The following AMN1 variants were observed in gnomAD, a reference collection of about 807,000 sequenced individuals.
AMN1 encodes protein AMN1 homolog.
In AMN1, 20 loss-of-function variants were observed where a neutral mutation model predicts 33.0. The observed-to-expected ratio is 0.61, with a 90% CI of 0.43 to 0.88. The LOEUF (loss-of-function observed/expected upper bound fraction) is 0.88, where lower values mean the gene tolerates loss of function less well. Ranked by LOEUF, AMN1 falls within the 40% of genes least tolerant of loss-of-function variation. AMN1 has a pLI of 0.00. For missense variants in AMN1, 246 were observed against 307.4 expected (o/e 0.80, Z 1.49); for synonymous variants, 114 against 111.9 (o/e 1.02, Z -0.12).
intron 6 of AMN1, among the ~76,000 whole-genome samples, chr12:31,677,587 T>C (rs1346741706): frequency 2.0e-5 from 3 of 152,192 alleles, no homozygotes; most frequent in Non-Finnish European, 4.4e-5. Flanking sequence ...GGGAGTTGTA[T>C]AGATGACCTT....
chr12:31,679,120 C>A (rs961780893), intron 6 of AMN1, among the ~76,000 whole-genome samples: 1 of 151,706 alleles, frequency 6.6e-6, no homozygotes, highest in Non-Finnish European at 1.5e-5. Context: ...ACAGTCTGAC[C>A]AACATGGCGA....
At chr12:31,713,959 A>C (rs1350320811) in intron 1 of AMN1, among the ~76,000 whole-genome samples, 1 of 152,176 alleles carries the variant, frequency 6.6e-6, no homozygotes, top group African/African-American at 2.4e-5. Flanking sequence ...AAAGTTTTAA[A>C]AATAGTTCCT....
chr12:31,691,434 G>A (rs1465089262), intron 5 of AMN1, among the ~76,000 whole-genome samples: 4 of 151,926 alleles, frequency 2.6e-5, no homozygotes, highest in Non-Finnish European at 5.9e-5. Context: ...AGAGAACACA[G>A]ACAACTTTTT....
chr12:31,726,183 C>T (rs1260715021), intron 1 of AMN1, among the ~76,000 whole-genome samples: 1 of 135,782 alleles, frequency 7.4e-6, no homozygotes, highest in Non-Finnish European at 1.6e-5. Context: ...TTTGGGGGGA[C>T]GGAGTTTCGC....
At chr12:31,676,334 G>A (rs74993935) in intron 6 of AMN1, among the ~76,000 whole-genome samples, 6,074 of 151,472 alleles carry the variant, frequency 0.04, 404 homozygotes, top group East Asian at 0.27. Context: ...ATGGGGCCTG[G>A]TAAGGTGGCT....
rs527665657 is a variant in AMN1 at position 31,698,306 on chromosome 12, A to G, written c.317-349T>C. Among the ~76,000 whole-genome samples the G allele has an allele frequency of 2.6e-5, 4 of 152,354 alleles. No homozygotes were observed. In the South Asian group the frequency reaches 8.3e-4, roughly 32 times the overall value. On this transcript the variant is annotated intron_variant, in intron 3 of 6. Coordinates refer to ENST00000281471, the MANE Select transcript of AMN1 (RefSeq NM_001113402.2). ...TGGTTAAAACAAAAATTTTCAAGTA[A>G]TCAAATTACTTTTCTAGTGGACTTT...
At chr12:31,689,171 C>A (rs1387765746) in intron 5 of AMN1, 53 bp from the exon 6 acceptor site, 41 of 1,192,292 alleles carry the variant, frequency 3.4e-5, no homozygotes, top group Non-Finnish European at 4.9e-5. Context: ...TCTATAATAA[C>A]AGTATGAACA....
At chr12:31,679,678 G>C (rs1250309599) in intron 6 of AMN1, among the ~76,000 whole-genome samples, 2 of 152,150 alleles carry the variant, frequency 1.3e-5, no homozygotes, top group East Asian at 3.8e-4. Context: ...CTGCTTTATT[G>C]CCCTTCTAAA....
At chr12:31,686,581 C>T (rs1938272791) in intron 6 of AMN1, among the ~76,000 whole-genome samples, 1 of 152,192 alleles carries the variant, frequency 6.6e-6, no homozygotes, top group Non-Finnish European at 1.5e-5. Flanking sequence ...ACCTAACTTA[C>T]TGAACAACAT....
chr12:31,689,136 A>G lies in AMN1; in HGVS notation c.592-18T>C, dbSNP rs1938395965. The G allele has an allele frequency of 6.6e-7, 1 of 1,503,992 alleles. No individual in the cohort carries two copies. The highest frequency in any genetic ancestry group is 1.4e-5 in the African/African-American group (1 of 72,556). 93.2% of individuals were successfully genotyped at this position (1,503,992 alleles called of 1,614,324 possible). The stretch of plus-strand genomic sequence containing the variant: ...TGAATCTCCTATGCAAAAATAAAGA[A>G]AATAAAGTCAAATGAAAACAAAGAT... On this transcript the variant is annotated intron_variant, in intron 5 of 6. Coordinates refer to ENST00000281471, the MANE Select transcript of AMN1 (RefSeq NM_001113402.2).
intron 1 of AMN1, among the ~76,000 whole-genome samples, chr12:31,712,396 T>C (rs1327390568): frequency 1.3e-5 from 2 of 151,876 alleles, no homozygotes; most frequent in Non-Finnish European, 2.9e-5. Context: ...TACAGGCACA[T>C]GCCACCACGC....
chr12:31,709,202 A>G (rs1373357078), intron 2 of AMN1, 91 bp downstream of exon 2: 1 of 1,406,240 alleles, frequency 7.1e-7, no homozygotes, highest in East Asian at 2.3e-5. Context: ...AATGATTACC[A>G]GTCTTACCAT....
chr12:31,707,688 C>G (rs1181565179), intron 2 of AMN1, among the ~76,000 whole-genome samples: 1 of 152,104 alleles, frequency 6.6e-6, no homozygotes, highest in Non-Finnish European at 1.5e-5. Context: ...ATCTGTGTTC[C>G]TTGAATTCAA....
At position 31,715,201 on chromosome 12, in the gene AMN1, G is replaced by C. The variant is rs572044969; in HGVS notation, c.39-5776C>G. The C allele has an allele frequency of 2.5e-3, 390 of 153,768 alleles. 5 individuals are homozygous for C. The highest frequency in any genetic ancestry group is 4.4e-3 in the Admixed American group (67 of 15,308). The allele number at this position is 153,768 out of a possible 1,614,324, so 9.5% of individuals were successfully genotyped here. ...TCCCTTTAGCTCCTAAAACAACATT[G>C]TACAGGCTGGATTTACCTATCTAGT... On this transcript the variant is annotated intron_variant, in intron 1 of 6. Transcript: ENST00000281471.
In AMN1 at chr12:31,696,377, G is replaced by T. The variant is rs148889529; in HGVS notation, c.591+984C>A. Among the ~76,000 whole-genome samples the T allele has an allele frequency of 5.1e-4, 77 of 152,060 alleles. 1 individual carries two copies. Among genetic ancestry groups the T allele is most frequent in the Middle Eastern group, 3.4e-3 (1 of 294 alleles). On this transcript the variant is annotated intron_variant, in intron 5 of 6. Coordinates refer to ENST00000281471, the MANE Select transcript of AMN1 (RefSeq NM_001113402.2). ...CCTCCTGCCTCAGCCTCCCTGAGTA[G>T]CTGGGACTACAGGAATGCACCACTG...
chr12:31,693,535 T>C (rs1938592709), intron 5 of AMN1, among the ~76,000 whole-genome samples: 1 of 150,894 alleles, frequency 6.6e-6, no homozygotes, highest in Middle Eastern at 3.5e-3. Context: ...CCAATGTTTG[T>C]ATTTTTCTTT....
At chr12:31,672,605 A>C in intron 6 of AMN1, 1 of 381,282 alleles carries the variant, frequency 2.6e-6, no homozygotes, top group Non-Finnish European at 4.7e-6. Flanking sequence ...TAAAAAAAAA[A>C]AACAGGCATT....
At chr12:31,707,175 A>T (rs998601933) in intron 2 of AMN1, among the ~76,000 whole-genome samples, 4 of 152,184 alleles carry the variant, frequency 2.6e-5, no homozygotes, top group Non-Finnish European at 5.9e-5. Flanking sequence ...TTTTCAGTAA[A>T]ATAAGACTAA....
chr12:31,717,085 G>C (rs552480467), intron 1 of AMN1, among the ~76,000 whole-genome samples: 1 of 151,284 alleles, frequency 6.6e-6, no homozygotes, highest in Non-Finnish European at 1.5e-5. Context: ...TTGTCTATTT[G>C]TCCTGATGCT....
Sources: allele counts gnomAD v4.1 joint callset (sites outside exome capture counted in the v4.1 genomes callset), GRCh38; gene constraint gnomAD v4.1.1; transcripts MANE v1.5; gene names NCBI Gene and HGNC (gene_info 2026-07-23, HGNC 2026-07-21).